Variants in FBLN1 observed in about 807,000 individuals in gnomAD.
FBLN1 encodes the protein fibulin 1, also known as fibulin-1.
Under a neutral mutation model 89.7 loss-of-function variants are expected in FBLN1, and 34 were observed. The observed-to-expected ratio is 0.38, with a 90% CI of 0.29 to 0.50. FBLN1 has a LOEUF of 0.50. FBLN1 is among the 20% of genes least tolerant of loss of function. FBLN1 has a pLI of 0.92. For missense variants in FBLN1, 777 were observed against 988.1 expected (o/e 0.79, Z 2.86); for synonymous variants, 393 against 391.3 (o/e 1.00, Z -0.05).
In FBLN1 at chr22:45,597,969, G is replaced by A. The variant is rs577589579; in HGVS notation, c.1973-2338G>A. ...TGACCAGGAACCAGCCACTCGTACC[G>A]AAGGCCTTCCTGACCCCTCAGTTCT... On this transcript the variant is annotated intron_variant, in intron 16 of 16. Transcript: ENST00000327858. The surrounding 1 kb of genome is among the most constrained non-coding windows in gnomAD (Gnocchi z 4.2). 6.6e-5 allele frequency among the ~76,000 whole-genome samples: 10 copies of A among 152,242 alleles called. No individual in the cohort carries two copies. Among genetic ancestry groups the A allele is most frequent in the African/African-American group, 2.4e-4 (10 of 41,552 alleles).
rs540716330 is a variant in FBLN1 at position 45,577,689 on chromosome 22, C to T, written c.1972+581C>T. Among the ~76,000 whole-genome samples, 6 of 152,316 alleles carry T rather than the reference C, an allele frequency of 3.9e-5. No homozygotes were observed. The South Asian group carries it at 1.2e-3, about 32-fold the overall frequency. ...GCCCATCTGAATGGGGAGCTCACTGCTCTTTCTCCCTGGAGATCCGGTGTT... is the reference window on the plus strand; with the variant it reads ...GCCCATCTGAATGGGGAGCTCACTGTTCTTTCTCCCTGGAGATCCGGTGTT... On this transcript the variant is annotated intron_variant, in intron 16 of 16. Transcript: ENST00000327858. This position sits in a 1 kb window ranked among gnomAD's most constrained non-coding sequence, Gnocchi z 6.6.
Position 45,531,135 on chromosome 22 carries a change from A to C in FBLN1, c.485-130A>C, listed in dbSNP as rs767656211. 1.3e-6 allele frequency: 1 copy of C among 766,928 alleles called. No homozygotes were observed. Among genetic ancestry groups the C allele is most frequent in the Non-Finnish European group, 2.4e-6 (1 of 424,118 alleles). The allele number at this position is 766,928 out of a possible 1,614,324, so 47.5% of individuals were successfully genotyped here. ...CTTAAAGAGGATAAAGTTAATACTT[A>C]GCTGTTTATATAAGATGTTCAAATG... On this transcript the variant is annotated intron_variant, in intron 4 of 16. Transcript: ENST00000327858. The surrounding 1 kb of genome is among the most constrained non-coding windows in gnomAD (Gnocchi z 4.9).
At chr22:45,567,928 C>A (rs1389255157) in intron 14 of FBLN1, among the ~76,000 whole-genome samples, 1 of 152,116 alleles carries the variant, frequency 6.6e-6, no homozygotes, top group Non-Finnish European at 1.5e-5. Context: ...ACTCCAGGGG[C>A]CAGAGTGTGC....
chr22:45,534,213 G>A (rs1307250060), intron 7 of FBLN1, among the ~76,000 whole-genome samples: 1 of 134,638 alleles, frequency 7.4e-6, no homozygotes, highest in Non-Finnish European at 1.5e-5. Flanking sequence ...GGCAGATTTG[G>A]GTTTCTAAAA....
chr22:45,518,828 C>A, intron 2 of FBLN1, 41 bp downstream of exon 2: 1 of 1,512,014 alleles, frequency 6.6e-7, no homozygotes, highest in South Asian at 1.2e-5. Context: ...GAACAATGTT[C>A]CTTTAGAGAA....
chr22:45,595,256 G>A (rs2089174341), intron 16 of FBLN1, among the ~76,000 whole-genome samples: 1 of 152,196 alleles, frequency 6.6e-6, no homozygotes, highest in Non-Finnish European at 1.5e-5. Context: ...GGGAGATGCA[G>A]TGTGGACTTC....
At chr22:45,507,840 T>C (rs963111116) in intron 1 of FBLN1, among the ~76,000 whole-genome samples, 1 of 152,192 alleles carries the variant, frequency 6.6e-6, no homozygotes, top group African/African-American at 2.4e-5. Context: ...GTTTTTCATT[T>C]TGGATCCTGT....
rs1191045255 is a variant in FBLN1, at chr22:45,505,852, A to G, written c.79+2788A>G. On this transcript the variant is annotated intron_variant, in intron 1 of 16. Coordinates refer to ENST00000327858, the MANE Select transcript of FBLN1 (RefSeq NM_006486.3). The stretch of plus-strand genomic sequence containing the variant: ...AATGGCATGATCTCGACTCACTGCA[A>G]CCTCCGCCTCCCGAGTTGAAGCGAT... Among the ~76,000 whole-genome samples the G allele has an allele frequency of 8.5e-5, 13 of 152,086 alleles. No individual in the cohort carries two copies. In the East Asian group the frequency reaches 2.5e-3, roughly 29 times the overall value.
intron 16 of FBLN1, 51 bp from the exon 17 acceptor site, chr22:45,600,256 C>G (rs112278970): frequency 1.2e-6 from 2 of 1,611,986 alleles, no homozygotes; most frequent in Non-Finnish European, 1.7e-6. Flanking sequence ...CAGATCTCTA[C>G]GTTGCTGCAG....
rs573240472 is a variant in FBLN1 at position 45,519,474 on chromosome 22, A to T, written c.185+687A>T. 2.0e-3 allele frequency among the ~76,000 whole-genome samples: 302 copies of T among 152,000 alleles called. 2 individuals are homozygous for T. The highest frequency in any genetic ancestry group is 3.4e-3 in the Middle Eastern group (1 of 294). Reference sequence around the variant, plus strand: ...CGTCTCTACTAAAAATACAAAAAAAATTAGCTGGGCGTGGTGGCATGCGCC... The same window carrying T: ...CGTCTCTACTAAAAATACAAAAAAATTTAGCTGGGCGTGGTGGCATGCGCC... On this transcript the variant is annotated intron_variant, in intron 2 of 16. Coordinates refer to ENST00000327858, the MANE Select transcript of FBLN1 (RefSeq NM_006486.3).
chr22:45,525,637 C>A lies in FBLN1; in HGVS notation c.280C>A (p.Pro94Thr). 2 of 1,551,320 alleles carry A rather than the reference C, an allele frequency of 1.3e-6. No homozygotes were observed. The highest frequency in any genetic ancestry group is 1.7e-6 in the Non-Finnish European group (2 of 1,146,990). ...LANEQDRCAT[P>T]HGDNASLEAT... The stretch of plus-strand genomic sequence containing the variant: ...CAACGAGCAGGACCGCTGTGCCACG[C>A]CCCACGGTGACAACGCCAGCCTGGA... Residue 94 changes from proline (P) to threonine (T), a missense_variant, in exon 3 of 17, where the codon CCC becomes ACC. Coordinates refer to ENST00000327858, the MANE Select transcript of FBLN1 (RefSeq NM_006486.3).
chr22:45,511,452 C>CTT lies in FBLN1; in HGVS notation c.80-7216_80-7215dup, dbSNP rs760422823. Reference sequence around the variant, plus strand: ...TACAGGCATGAGCCACCATGCCTGGCTTTTTTTTTTTTTTTAGACAGTCTC... The same window carrying CTT: ...TACAGGCATGAGCCACCATGCCTGGCTTTTTTTTTTTTTTTTTAGACAGTCTC... On this transcript the variant is annotated intron_variant, in intron 1 of 16. Transcript: ENST00000327858. Among the ~76,000 whole-genome samples the CTT allele has an allele frequency of 3.6e-3, 475 of 130,664 alleles. 7 individuals are homozygous for CTT. Among genetic ancestry groups the CTT allele is most frequent in the African/African-American group, 0.012 (416 of 34,194 alleles). 85.7% of individuals were successfully genotyped at this position (130,664 alleles called of 152,430 possible).
intron 14 of FBLN1, among the ~76,000 whole-genome samples, chr22:45,564,025 A>G (rs886818169): frequency 1.3e-5 from 2 of 152,222 alleles, no homozygotes; most frequent in African/African-American, 4.8e-5. Context: ...GGGATCCTTC[A>G]TAGGCCTTAC....
intron 1 of FBLN1, among the ~76,000 whole-genome samples, chr22:45,514,861 A>G (rs566927349): frequency 6.6e-6 from 1 of 152,302 alleles, no homozygotes; most frequent in South Asian, 2.1e-4. Context: ...ACTGAGCCTG[A>G]TGCCAGAACT....
chr22:45,532,653 G>A lies in FBLN1; in HGVS notation c.545-410G>A, dbSNP rs1426193789. On this transcript the variant is annotated intron_variant, in intron 5 of 16. Transcript: ENST00000327858. This position sits in a 1 kb window ranked among gnomAD's most constrained non-coding sequence, Gnocchi z 4.2. ...CTGCAGGAACTGAGGCCATGGTAGT[G>A]GGCTTGGAGCAGTGGGACAGCTCGA... Among the ~76,000 whole-genome samples, 1 of 152,142 alleles carries A rather than the reference G, an allele frequency of 6.6e-6. No homozygotes were observed. The highest frequency in any genetic ancestry group is 1.9e-4 in the East Asian group (1 of 5,184).
chr22:45,540,044 C>T (rs1157278802), intron 8 of FBLN1, among the ~76,000 whole-genome samples: 1 of 152,228 alleles, frequency 6.6e-6, no homozygotes, highest in African/African-American at 2.4e-5. Context: ...CACCCCTGAG[C>T]AATGCATAAC....
chr22:45,543,343 G>A, intron 10 of FBLN1, 58 bp from the exon 11 acceptor site: 1 of 1,601,964 alleles, frequency 6.2e-7, no homozygotes, highest in Non-Finnish European at 8.5e-7. Context: ...CTAGGAGGGT[G>A]GAGTGTGGTG....
chr22:45,555,773 T>C (rs1051832049), intron 14 of FBLN1, among the ~76,000 whole-genome samples: 3 of 152,120 alleles, frequency 2.0e-5, no homozygotes, highest in African/African-American at 7.2e-5. Context: ...AATCTTCAAA[T>C]AAAGACAATA....
rs192277534 is a variant in FBLN1, at chr22:45,566,591, G to A, written c.1698-7920G>A. On this transcript the variant is annotated intron_variant, in intron 14 of 16. Transcript: ENST00000327858. ...ATCGTCAGCCTTTCAGAGCCTCAAG[G>A]CCCACCTTATGGTTGATTTTGAAGA... is the stretch of plus-strand genomic sequence containing the variant. Among the ~76,000 whole-genome samples, 375 of 152,312 alleles carry A rather than the reference G, an allele frequency of 2.5e-3. 2 individuals are homozygous for A. The highest frequency in any genetic ancestry group is 8.5e-3 in the African/African-American group (355 of 41,572).
Sources: gnomAD v4.1 joint callset for allele counts (sites outside exome capture counted in the v4.1 genomes callset) on GRCh38, gnomAD v4.1.1 for gene constraint, Gnocchi (gnomAD v3.1) non-coding constraint, MANE v1.5 for transcripts, NCBI Gene and HGNC (gene_info 2026-07-23, HGNC 2026-07-21) for gene names.